The following WDHD1 variants were observed in gnomAD, a reference collection of about 807,000 sequenced individuals.
WDHD1 encodes WD repeat and HMG-box DNA-binding protein 1.
A neutral mutation model predicts 135.4 loss-of-function variants in WDHD1; 111 were observed. The ratio of observed to expected loss-of-function variants is 0.82; its 90% CI spans 0.70 to 0.96. The LOEUF (loss-of-function observed/expected upper bound fraction) is 0.96. Among genes scored for constraint, WDHD1 ranks in the 40% least tolerant of loss-of-function variants. WDHD1 has a pLI of 0.00. For missense variants in WDHD1, 1,351 were observed against 1,336.3 expected (o/e 1.01, Z -0.17); for synonymous variants, 434 against 439.0 (o/e 0.99, Z 0.14).
chr14:54,987,799 G>A (rs2041717825), intron 13 of WDHD1, among the ~76,000 whole-genome samples: 1 of 152,050 alleles, frequency 6.6e-6, no homozygotes, highest in Non-Finnish European at 1.5e-5. Context: ...GTTAATTTTT[G>A]CATTTTTAGT....
intron 16 of WDHD1, among the ~76,000 whole-genome samples, chr14:54,967,914 C>A (rs552831860): frequency 1.3e-5 from 2 of 152,296 alleles, no homozygotes; most frequent in South Asian, 4.1e-4. Context: ...AGCTACCCTG[C>A]CCAACCTCAC....
intron 5 of WDHD1, 69 bp downstream of exon 5, chr14:55,008,539 G>C: frequency 7.4e-6 from 11 of 1,485,614 alleles, no homozygotes; most frequent in South Asian, 1.3e-5. Flanking sequence ...ATTTTTTAGA[G>C]AGTTAGTAGG....
chr14:55,024,107 A>T (rs1166487375), intron 2 of WDHD1, among the ~76,000 whole-genome samples: 1 of 152,214 alleles, frequency 6.6e-6, no homozygotes, highest in Non-Finnish European at 1.5e-5. Flanking sequence ...ATTTTCTAAT[A>T]TGTGTATTGA....
rs147206630 is a variant in WDHD1 at position 55,008,378 on chromosome 14, A to G, written c.454-12T>C. The G allele has an allele frequency of 8.1e-6, 13 of 1,613,008 alleles. No homozygotes were observed. The highest frequency in any genetic ancestry group is 8.0e-5 in the African/African-American group (6 of 75,026). On this transcript the variant is annotated splice_polypyrimidine_tract_variant and intron_variant, in intron 5 of 25. Coordinates refer to ENST00000360586, the MANE Select transcript of WDHD1 (RefSeq NM_007086.4). ...CAACTAGCTGATGCCTGCAGGAATA[A>G]ACAATACATTTCTCTATAGTCATAG...
chr14:54,948,999 G>A (rs988411164), intron 24 of WDHD1, among the ~76,000 whole-genome samples: 1 of 152,106 alleles, frequency 6.6e-6, no homozygotes, highest in Non-Finnish European at 1.5e-5. Context: ...AACCCCATGT[G>A]TACGTCACCA....
At chr14:54,960,047 T>C (rs1241849347) in intron 21 of WDHD1, among the ~76,000 whole-genome samples, 1 of 152,210 alleles carries the variant, frequency 6.6e-6, no homozygotes, top group African/African-American at 2.4e-5. Context: ...CCTGAACTCC[T>C]ACACTCTCTT....
At chr14:54,949,270 T>C (rs1049176533) in intron 24 of WDHD1, among the ~76,000 whole-genome samples, 25 of 152,148 alleles carry the variant, frequency 1.6e-4, no homozygotes, top group Middle Eastern at 6.8e-3. Flanking sequence ...ATTAGACGAA[T>C]GGCTAACTAG....
intron 16 of WDHD1, among the ~76,000 whole-genome samples, chr14:54,969,411 T>G (rs908959668): frequency 6.8e-6 from 1 of 148,090 alleles, no homozygotes; most frequent in Non-Finnish European, 1.5e-5. Context: ...AAACCAAAAC[T>G]GACAAGTGGG....
intron 4 of WDHD1, 66 bp downstream of exon 4, chr14:55,010,243 C>A: frequency 7.1e-7 from 1 of 1,406,724 alleles, no homozygotes; most frequent in Non-Finnish European, 9.4e-7. Context: ...AAACACTACC[C>A]TGAAACAAAT....
intron 15 of WDHD1, among the ~76,000 whole-genome samples, chr14:54,983,819 A>C (rs1266753391): frequency 6.7e-6 from 1 of 150,296 alleles, no homozygotes; most frequent in Admixed American, 6.6e-5. Flanking sequence ...ATGCCCAGCC[A>C]AAAAAAAAAT....
Position 54,941,603 on chromosome 14 carries a change from T to C in WDHD1, c.3277A>G (p.Thr1093Ala), listed in dbSNP as rs981719594. 1.2e-6 allele frequency: 2 copies of C among 1,613,946 alleles called. No homozygotes were observed. The highest frequency in any genetic ancestry group is 1.7e-6 in the Non-Finnish European group (2 of 1,179,978). The change falls in exon 26 of 26, where the codon ACA (threonine) becomes GCA (alanine). Residue 1093 changes from threonine (T) to alanine (A), a missense_variant. Transcript: ENST00000360586. ...RKRVVDESDE[T>A]ENQEEKAKEN... ...TTTGCTTTTTCTTCCTGGTTTTCTG[T>C]TTCATCACTTTCATCAACCACACGT...
intron 12 of WDHD1, among the ~76,000 whole-genome samples, chr14:54,990,970 T>C (rs2041776395): frequency 6.6e-6 from 1 of 152,238 alleles, no homozygotes; most frequent in Non-Finnish European, 1.5e-5. Context: ...TATTTACTTA[T>C]GTTCATTTAA....
In WDHD1 at chr14:54,941,708, A is replaced by C. The variant is rs1566699438; in HGVS notation, c.3190-18T>G. The C allele has an allele frequency of 1.9e-6, 3 of 1,584,216 alleles. No individual in the cohort carries two copies. Among genetic ancestry groups the C allele is most frequent in the Middle Eastern group, 3.4e-4 (2 of 5,914 alleles). ...GCCCACACCTTTGTAAAATGGCAGG[A>C]GTGAAAAGGAAAGATTTTTAGAAAA... is the stretch of plus-strand genomic sequence containing the variant. On this transcript the variant is annotated intron_variant, in intron 25 of 25. Coordinates refer to ENST00000360586, the MANE Select transcript of WDHD1 (RefSeq NM_007086.4).
chr14:54,949,647 G>A (rs2041005794), intron 24 of WDHD1, among the ~76,000 whole-genome samples: 1 of 152,154 alleles, frequency 6.6e-6, no homozygotes, highest in African/African-American at 2.4e-5. Flanking sequence ...AGGAAATACA[G>A]AGAATGCCAC....
intron 17 of WDHD1, among the ~76,000 whole-genome samples, chr14:54,966,846 T>G (rs2041354409): frequency 6.6e-6 from 1 of 152,228 alleles, no homozygotes; most frequent in South Asian, 2.1e-4. Flanking sequence ...CTATCATAAT[T>G]AATGCTCAGA....
intron 2 of WDHD1, among the ~76,000 whole-genome samples, chr14:55,021,522 T>A (rs2042347610): frequency 6.6e-6 from 1 of 152,120 alleles, no homozygotes; most frequent in African/African-American, 2.4e-5. Flanking sequence ...AGTGTGGGAT[T>A]ACAGGCGTAT....
intron 24 of WDHD1, among the ~76,000 whole-genome samples, chr14:54,946,168 T>C (rs1409790098): frequency 1.3e-5 from 2 of 152,336 alleles, no homozygotes; most frequent in Admixed American, 6.5e-5. Flanking sequence ...CCTGCAATCA[T>C]CTACTTCTAA....
At chr14:54,986,474 T>C (rs1037076037) in intron 14 of WDHD1, among the ~76,000 whole-genome samples, 6 of 152,054 alleles carry the variant, frequency 3.9e-5, no homozygotes, top group Non-Finnish European at 8.8e-5. Flanking sequence ...CACCACACCA[T>C]ACCTGGTCCA....
At chr14:54,993,562 A>G (rs928765424) in intron 11 of WDHD1, among the ~76,000 whole-genome samples, 1 of 152,236 alleles carries the variant, frequency 6.6e-6, no homozygotes, top group Non-Finnish European at 1.5e-5. Flanking sequence ...TGAATGTGCT[A>G]TTAAAAGATT....
Sources: gnomAD v4.1 joint callset for allele counts (sites outside exome capture counted in the v4.1 genomes callset) on GRCh38, gnomAD v4.1.1 for gene constraint, MANE v1.5 for transcripts, NCBI Gene and HGNC (gene_info 2026-07-23, HGNC 2026-07-21) for gene names.